Variants in COLGALT2 observed in about 807,000 individuals in gnomAD.
COLGALT2 encodes procollagen galactosyltransferase 2.
In COLGALT2, 49 loss-of-function variants were observed where a neutral mutation model predicts 73.4. The ratio of observed to expected loss-of-function variants is 0.67; its 90% CI spans 0.53 to 0.85. The LOEUF is 0.85. Ranked by LOEUF, COLGALT2 falls within the 40% of genes least tolerant of loss-of-function variation. COLGALT2 has a pLI of 0.00. For synonymous variants in COLGALT2, 295 were observed against 307.6 expected (o/e 0.96, Z 0.43); for missense variants, 722 against 790.2 (o/e 0.91, Z 1.03).
chr1:183,938,390 T>G lies in COLGALT2; in HGVS notation c.*371A>C. On this transcript the variant is annotated 3_prime_UTR_variant, in exon 12 of 12. Coordinates refer to ENST00000361927, the MANE Select transcript of COLGALT2 (RefSeq NM_015101.4). ...TTGGCCTGGCTGCCTTGACTACATA[T>G]TTGCTGATGTGACAGCTCGGTGATC... is the stretch of plus-strand genomic sequence containing the variant. 9.5e-7 allele frequency: 1 copy of G among 1,057,040 alleles called. No individual in the cohort carries two copies. The allele number at this position is 1,057,040 out of a possible 1,614,324, so 65.5% of individuals were successfully genotyped here. A position where few individuals can be genotyped will look rare whatever the true frequency, so the allele number is the denominator to read the frequency against.
At chr1:184,010,853 C>T (rs1257096368) in intron 1 of COLGALT2, among the ~76,000 whole-genome samples, 3 of 152,150 alleles carry the variant, frequency 2.0e-5, no homozygotes, top group Admixed American at 6.5e-5. Context: ...AATCTCCTGT[C>T]CAGATTTTGG....
Position 184,037,452 on chromosome 1 carries a change from C to A in COLGALT2, c.-95G>T. ...GCGGCTGCCGGGGAGCAAGGGGCTG[C>A]GAGGGGCGGCCGGGGGATGCGGCTT... On this transcript the variant is annotated 5_prime_UTR_variant, in exon 1 of 12. Coordinates refer to ENST00000361927, the MANE Select transcript of COLGALT2 (RefSeq NM_015101.4). The A allele has an allele frequency of 8.2e-7, 1 of 1,219,140 alleles. No homozygotes were observed. The highest frequency in any genetic ancestry group is 1.0e-6 in the Non-Finnish European group (1 of 981,426). 75.5% of individuals were successfully genotyped at this position (1,219,140 alleles called of 1,614,324 possible). A position where few individuals can be genotyped will look rare whatever the true frequency, so the allele number is the denominator to read the frequency against.
chr1:183,938,827 G>A lies in COLGALT2; in HGVS notation c.1815C>T (p.Ala605=), dbSNP rs1558306839. Residue 605 remains alanine, a synonymous_variant, in exon 12 of 12, where the codon GCC becomes GCT. Transcript: ENST00000361927. ...SRKQSRIYSN[A]KNTEALPPPT... is the part of the protein sequence containing the mutation. ...GCGGTGGCAGGGCCTCTGTGTTCTT[G>A]GCATTGCTGTAGATGCGGCTTTGCT... is the stretch of plus-strand genomic sequence containing the variant. The A allele has an allele frequency of 6.2e-7, 1 of 1,614,188 alleles. No homozygotes were observed. The highest frequency in any genetic ancestry group is 8.5e-7 in the Non-Finnish European group (1 of 1,180,042).
At chr1:183,930,569 C>CTTTTTCTTTTTTT (rs1669823112) in intron 11 of COLGALT2, among the ~76,000 whole-genome samples, 1 of 114,064 alleles carries the variant, frequency 8.8e-6, no homozygotes, top group African/African-American at 3.4e-5. Context: ...TTTTCTTTTT[C>CTTTTTCTTTTTTT]TTTTTTTTTT....
chr1:183,945,734 T>G (rs1212697343), intron 8 of COLGALT2, 170 bp from the exon 9 acceptor site: 3 of 706,538 alleles, frequency 4.2e-6, no homozygotes, highest in Non-Finnish European at 6.9e-6. Context: ...CACACTAGTA[T>G]TATGAGGTCT....
chr1:183,980,297 T>C (rs1671313509), intron 1 of COLGALT2, among the ~76,000 whole-genome samples: 2 of 151,996 alleles, frequency 1.3e-5, no homozygotes, highest in Admixed American at 1.3e-4. Context: ...ACTAAAATGC[T>C]ACTTCTTTGA....
intron 6 of COLGALT2, among the ~76,000 whole-genome samples, chr1:183,955,308 C>A (rs1670523134): frequency 6.6e-6 from 1 of 152,210 alleles, no homozygotes; most frequent in African/African-American, 2.4e-5. Context: ...AAATGCTCAA[C>A]AACTCTTAGC....
At chr1:183,970,139 A>G (rs1446396951) in intron 4 of COLGALT2, among the ~76,000 whole-genome samples, 1 of 152,252 alleles carries the variant, frequency 6.6e-6, no homozygotes, top group African/African-American at 2.4e-5. Context: ...CTTAGTCAAT[A>G]TTCTGGTGAA....
Position 183,988,962 on chromosome 1 carries a change from T to C in COLGALT2, c.264-10442A>G, listed in dbSNP as rs549306447. On this transcript the variant is annotated intron_variant, in intron 1 of 11. Coordinates refer to ENST00000361927, the MANE Select transcript of COLGALT2 (RefSeq NM_015101.4). ...GGCAGTAAGCTGACCATTTTACGTA[T>C]ATAACTTTAACATTTAAAGTAATTT... Among the ~76,000 whole-genome samples the C allele has an allele frequency of 1.3e-3, 191 of 152,374 alleles. No homozygotes were observed. In the Middle Eastern group the frequency reaches 0.024, roughly 19 times the overall value.
At position 184,037,478 on chromosome 1, in the gene COLGALT2, G is replaced by T. The variant is rs1649731943; in HGVS notation, c.-121C>A. The T allele has an allele frequency of 8.4e-7, 1 of 1,183,480 alleles. No individual in the cohort carries two copies. The highest frequency in any genetic ancestry group is 1.6e-5 in the African/African-American group (1 of 62,338). The allele number at this position is 1,183,480 out of a possible 1,614,324, so 73.3% of individuals were successfully genotyped here. ...GAGGGGCGGCCGGGGGATGCGGCTT[G>T]CCGCGGCCGGCCGGCTCACACACTG... On this transcript the variant is annotated 5_prime_UTR_variant, in exon 1 of 12. Coordinates refer to ENST00000361927, the MANE Select transcript of COLGALT2 (RefSeq NM_015101.4).
intron 4 of COLGALT2, among the ~76,000 whole-genome samples, chr1:183,971,129 T>C (rs545670126): frequency 6.6e-6 from 1 of 152,290 alleles, no homozygotes; most frequent in East Asian, 1.9e-4. Context: ...GATGAATGTG[T>C]TCCTTTTTCC....
chr1:183,955,132 A>G (rs1345126339), intron 6 of COLGALT2, among the ~76,000 whole-genome samples: 1 of 152,222 alleles, frequency 6.6e-6, no homozygotes, highest in African/African-American at 2.4e-5. Flanking sequence ...GAAGGGCTCC[A>G]GAGTCGGATG....
chr1:183,945,409 A>C (rs572309200), intron 9 of COLGALT2, 23 bp downstream of exon 9: 1 of 1,611,320 alleles, frequency 6.2e-7, no homozygotes, highest in East Asian at 2.2e-5. Flanking sequence ...ATAAAACTGC[A>C]ATCTGAATAA....
chr1:184,007,331 A>G (rs1672112534), intron 1 of COLGALT2, among the ~76,000 whole-genome samples: 1 of 152,198 alleles, frequency 6.6e-6, no homozygotes, highest in Non-Finnish European at 1.5e-5. Context: ...TTCACAAGAG[A>G]TAAACATCTA....
chr1:184,007,609 C>T (rs1271309157), intron 1 of COLGALT2, among the ~76,000 whole-genome samples: 1 of 152,128 alleles, frequency 6.6e-6, no homozygotes, highest in African/African-American at 2.4e-5. Context: ...AGGTCTTGCC[C>T]TCCTAATATG....
intron 7 of COLGALT2, among the ~76,000 whole-genome samples, chr1:183,951,816 T>C (rs1040598105): frequency 1.1e-4 from 16 of 152,100 alleles, no homozygotes; most frequent in African/African-American, 3.9e-4. Context: ...AAAATACAAA[T>C]GACATTTTTC....
At chr1:184,011,590 C>T (rs1437087630) in intron 1 of COLGALT2, among the ~76,000 whole-genome samples, 1 of 152,190 alleles carries the variant, frequency 6.6e-6, no homozygotes, top group Non-Finnish European at 1.5e-5. Context: ...TTGTTCCAAT[C>T]GGCTGTTATG....
intron 1 of COLGALT2, among the ~76,000 whole-genome samples, chr1:184,004,518 C>T (rs1475402): frequency 0.11 from 16,642 of 152,006 alleles, 1,460 homozygotes; most frequent in East Asian, 0.43. Context: ...TTTAAACAAC[C>T]CTTTTAGGAG....
chr1:184,014,782 A>C (rs1308281910), intron 1 of COLGALT2, among the ~76,000 whole-genome samples: 2 of 152,218 alleles, frequency 1.3e-5, no homozygotes, highest in African/African-American at 4.8e-5. Flanking sequence ...TCTCTTCCAG[A>C]AGAACAGGAG....
Sources: gnomAD v4.1 joint callset for allele counts (sites outside exome capture counted in the v4.1 genomes callset) on GRCh38, gnomAD v4.1.1 for gene constraint, MANE v1.5 for transcripts, NCBI Gene and HGNC (gene_info 2026-07-23, HGNC 2026-07-21) for gene names.